Variants in NBEA observed in about 807,000 individuals in gnomAD.
The protein encoded by NBEA is lysosomal-trafficking regulator 2.
NBEA carries 44 observed loss-of-function variants against 343.4 expected under a neutral mutation model. That is an observed-to-expected ratio of 0.13 (90% CI 0.10 to 0.16). NBEA has a LOEUF of 0.16. Ranked by LOEUF, NBEA falls within the 10% of genes least tolerant of loss-of-function variation. NBEA has a pLI of 1.00. For synonymous variants in NBEA, 1,175 were observed against 1,238.7 expected (o/e 0.95, Z 1.08); for missense variants, 2,555 against 3,631.3 (o/e 0.70, Z 7.62).
intron 41 of NBEA, among the ~76,000 whole-genome samples, chr13:35,484,232 ATATG>A (rs1437675667): frequency 6.6e-5 from 6 of 90,556 alleles, no homozygotes; most frequent in Admixed American, 1.4e-4. Flanking sequence ...ACCTACATTA[ATATG>A]TGTGTGTGTG....
At chr13:35,459,017 CCA>C (rs1555270533) in intron 40 of NBEA, among the ~76,000 whole-genome samples, 794 of 74,308 alleles carry the variant, frequency 0.011, 7 homozygotes, top group South Asian at 0.017. Flanking sequence ...CCCCCCCCCC[CCA>C]CACACACACA....
chr13:35,168,946 A>G (rs754785234), intron 24 of NBEA, 41 bp from the exon 25 acceptor site: 1 of 1,331,182 alleles, frequency 7.5e-7, no homozygotes, highest in East Asian at 2.6e-5. Flanking sequence ...CTTTTCTTGT[A>G]CTTTTTGGTC....
intron 30 of NBEA, among the ~76,000 whole-genome samples, chr13:35,190,617 GTTCAGGA>G (rs1483022314): frequency 8.5e-5 from 13 of 152,272 alleles, no homozygotes; most frequent in African/African-American, 3.1e-4. Context: ...TACAGAATTA[GTTCAGGA>G]AAATGAATAA....
chr13:35,332,764 A>G (rs767957849), intron 36 of NBEA, among the ~76,000 whole-genome samples: 2 of 152,186 alleles, frequency 1.3e-5, no homozygotes, highest in Non-Finnish European at 2.9e-5. Flanking sequence ...TTATTACTTG[A>G]AAGAATTAAT....
chr13:35,186,883 C>G (rs1238557475), intron 30 of NBEA, among the ~76,000 whole-genome samples: 2 of 151,916 alleles, frequency 1.3e-5, no homozygotes, highest in East Asian at 1.9e-4. Context: ...TAATTGTATT[C>G]TTTTTCTTTG....
At chr13:35,439,898 A>G (rs925086763) in intron 39 of NBEA, among the ~76,000 whole-genome samples, 1 of 151,788 alleles carries the variant, frequency 6.6e-6, no homozygotes, top group Non-Finnish European at 1.5e-5. Flanking sequence ...TTTGTTTTTG[A>G]GACGGAGTTT....
At chr13:34,953,129 T>G (rs532203792) in intron 1 of NBEA, among the ~76,000 whole-genome samples, 11 of 152,332 alleles carry the variant, frequency 7.2e-5, no homozygotes, top group African/African-American at 2.6e-4. Flanking sequence ...GTTATCTTAT[T>G]TAATCATCTT....
intron 1 of NBEA, among the ~76,000 whole-genome samples, chr13:34,968,389 G>A (rs971410728): frequency 6.6e-6 from 1 of 151,978 alleles, no homozygotes; most frequent in East Asian, 1.9e-4. Context: ...CTATCTAAGG[G>A]CCCCAACATG....
At chr13:35,208,630 C>CTTTTTTTT in intron 31 of NBEA, 70 bp from the exon 32 acceptor site, 1 of 1,338,826 alleles carries the variant, frequency 7.5e-7, no homozygotes. Context: ...CTATGTATAT[C>CTTTTTTTT]TGTTGCAGCA....
At chr13:35,232,397 T>G in intron 33 of NBEA, 95 bp from the exon 34 acceptor site, 1 of 848,398 alleles carries the variant, frequency 1.2e-6, no homozygotes, top group Non-Finnish European at 1.8e-6. Context: ...AGAAAGGACA[T>G]TTATGATTTT....
At chr13:35,063,856 G>A (rs1282606636) in intron 8 of NBEA, among the ~76,000 whole-genome samples, 1 of 151,988 alleles carries the variant, frequency 6.6e-6, no homozygotes, top group Non-Finnish European at 1.5e-5. Context: ...TGGAGGTAGT[G>A]CCAGTAGGAT....
At chr13:35,657,504 T>G (rs2084869714) in intron 55 of NBEA, among the ~76,000 whole-genome samples, 1 of 152,244 alleles carries the variant, frequency 6.6e-6, no homozygotes, top group Admixed American at 6.5e-5. Context: ...AAACAATTCA[T>G]TTTTAACAGA....
chr13:35,074,289 CAT>C (rs2064012274), intron 10 of NBEA, among the ~76,000 whole-genome samples: 1 of 152,110 alleles, frequency 6.6e-6, no homozygotes, highest in East Asian at 1.9e-4. Flanking sequence ...TTATTGAGTA[CAT>C]GTTATTGAGT....
At chr13:35,009,677 G>A (rs1246590911) in intron 1 of NBEA, among the ~76,000 whole-genome samples, 1 of 152,128 alleles carries the variant, frequency 6.6e-6, no homozygotes, top group Non-Finnish European at 1.5e-5. Flanking sequence ...GACATGATCT[G>A]CTTAGCACTC....
intron 34 of NBEA, among the ~76,000 whole-genome samples, chr13:35,252,047 A>C (rs2032038491): frequency 2.0e-5 from 3 of 152,156 alleles, no homozygotes; most frequent in Non-Finnish European, 4.4e-5. Context: ...TTTTTTATCC[A>C]CTTCTGTATT....
chr13:35,538,707 G>C (rs761031175), intron 41 of NBEA, among the ~76,000 whole-genome samples: 1 of 152,190 alleles, frequency 6.6e-6, no homozygotes, highest in South Asian at 2.1e-4. Flanking sequence ...ACATACCTGC[G>C]TTATGACTGT....
At chr13:35,297,161 A>G (rs1468521775) in intron 35 of NBEA, among the ~76,000 whole-genome samples, 2 of 151,988 alleles carry the variant, frequency 1.3e-5, no homozygotes, top group Non-Finnish European at 2.9e-5. Context: ...ACTCAATACA[A>G]TTTTATTCCA....
At chr13:35,154,519 G>A (rs905150303) in intron 18 of NBEA, among the ~76,000 whole-genome samples, 8 of 152,170 alleles carry the variant, frequency 5.3e-5, no homozygotes, top group Admixed American at 3.9e-4. Flanking sequence ...ACAAACTCAA[G>A]CCTAAAATAC....
intron 30 of NBEA, among the ~76,000 whole-genome samples, chr13:35,194,773 A>G (rs1475605590): frequency 6.6e-6 from 1 of 152,102 alleles, no homozygotes; most frequent in Non-Finnish European, 1.5e-5. Context: ...CCTTTGTATG[A>G]TGAAATTTGA....
Sources: gnomAD v4.1 joint callset for allele counts (sites outside exome capture counted in the v4.1 genomes callset) on GRCh38, gnomAD v4.1.1 for gene constraint, MANE v1.5 for transcripts, NCBI Gene and HGNC (gene_info 2026-07-23, HGNC 2026-07-21) for gene names.